The following ADORA2B variants were observed in gnomAD, a reference collection of about 807,000 sequenced individuals.
The protein encoded by ADORA2B is adenosine receptor A2b.
In ADORA2B, 18 loss-of-function variants were observed where a neutral mutation model predicts 20.8. The ratio of observed to expected loss-of-function variants is 0.87; its 90% CI spans 0.60 to 1.29. ADORA2B has a LOEUF of 1.29. Ranked by LOEUF, ADORA2B falls within the 50% of genes most tolerant of loss-of-function variation. The pLI, the probability that ADORA2B is intolerant of heterozygous loss-of-function variation, is 0.00. For synonymous variants in ADORA2B, 179 were observed against 178.3 expected (o/e 1.00, Z -0.03); for missense variants, 441 against 422.7 (o/e 1.04, Z -0.38).
At chr17:15,851,089 G>A in the ADORA2B span, among the ~76,000 whole-genome samples, 1 of 152,090 alleles carries the variant, frequency 6.6e-6, no homozygotes, top group African/African-American at 2.4e-5. Context: ...TCTACTGATA[G>A]ATTTTAGGTT....
chr17:15,932,926 A>G, the ADORA2B span, among the ~76,000 whole-genome samples: 1 of 151,848 alleles, frequency 6.6e-6, no homozygotes. Context: ...AAATAAAGGG[A>G]AAAAAAGGAG....
chr17:15,913,597 A>G, the ADORA2B span, among the ~76,000 whole-genome samples: 1 of 152,196 alleles, frequency 6.6e-6, no homozygotes, highest in Non-Finnish European at 1.5e-5. Flanking sequence ...GACACAATAC[A>G]TTTCCAAGCA....
At chr17:15,967,555 T>A (rs1970136503) in intron 1 of ADORA2B, among the ~76,000 whole-genome samples, 1 of 151,814 alleles carries the variant, frequency 6.6e-6, no homozygotes, top group Non-Finnish European at 1.5e-5. Flanking sequence ...TTAAAGAAGA[T>A]AAGAATGGGA....
the ADORA2B span, among the ~76,000 whole-genome samples, chr17:15,929,049 C>T: frequency 6.6e-6 from 1 of 151,946 alleles, no homozygotes; most frequent in South Asian, 2.1e-4. Context: ...AAACAGACAC[C>T]CCTTGAGAGA....
the ADORA2B span, among the ~76,000 whole-genome samples, chr17:15,880,915 G>A: frequency 6.6e-6 from 1 of 152,202 alleles, no homozygotes; most frequent in Non-Finnish European, 1.5e-5. Context: ...GCGAAGTAGG[G>A]CATATGCTTA....
At chr17:15,899,182 A>T in the ADORA2B span, among the ~76,000 whole-genome samples, 1 of 152,148 alleles carries the variant, frequency 6.6e-6, no homozygotes, top group Admixed American at 6.5e-5. Context: ...GTGTGCCAAG[A>T]TAGCACCACT....
chr17:15,874,042 G>GTGTA, the ADORA2B span, among the ~76,000 whole-genome samples: 40 of 134,818 alleles, frequency 3.0e-4, no homozygotes, highest in African/African-American at 1.1e-3. Context: ...ATATATATGT[G>GTGTA]TATATATATA....
the ADORA2B span, among the ~76,000 whole-genome samples, chr17:15,865,905 T>C: frequency 2.0e-5 from 3 of 150,374 alleles, no homozygotes; most frequent in Admixed American, 6.6e-5. Context: ...AAATGGAGGC[T>C]CCCCTGTACA....
intron 1 of ADORA2B, among the ~76,000 whole-genome samples, chr17:15,971,023 C>A (rs971737519): frequency 2.0e-5 from 3 of 152,224 alleles, no homozygotes; most frequent in Admixed American, 1.3e-4. Context: ...CTGGCCAGAA[C>A]CACTTCATGT....
At chr17:15,942,190 C>T (rs1360001396), upstream of ADORA2B, among the ~76,000 whole-genome samples, 1 of 152,124 alleles carries the variant, frequency 6.6e-6, no homozygotes, top group Non-Finnish European at 1.5e-5. Flanking sequence ...GAGGTGGGGC[C>T]TAGTGGAAGC....
At position 15,962,690 on chromosome 17, in the gene ADORA2B, G is replaced by T. The variant is rs200225854; in HGVS notation, c.336-11989G>T. ...GGGATTACAGGCGCCTTGCCACCACGCATTTTTAGTAGAGACGGGGTTTCA... is the reference window on the plus strand; with the variant it reads ...GGGATTACAGGCGCCTTGCCACCACTCATTTTTAGTAGAGACGGGGTTTCA... On this transcript the variant is annotated intron_variant, in intron 1 of 1. Transcript: ENST00000304222. Among the ~76,000 whole-genome samples, 64 of 152,096 alleles carry T rather than the reference G, an allele frequency of 4.2e-4. 1 individual carries two copies. In the East Asian group the frequency reaches 0.011, roughly 26 times the overall value.
chr17:15,866,908 C>A, the ADORA2B span, among the ~76,000 whole-genome samples: 1 of 152,274 alleles, frequency 6.6e-6, no homozygotes, highest in Non-Finnish European at 1.5e-5. Context: ...CCTCAGCCTG[C>A]CGAGTGCCTG....
chr17:15,887,951 CAAAAAAAAAAAAAAAAAA>C, the ADORA2B span, among the ~76,000 whole-genome samples: 25 of 22,228 alleles, frequency 1.1e-3, 1 homozygote, highest in East Asian at 3.8e-3. Flanking sequence ...AAGACTCCAT[CAAAAAAAAAAAAAAAAAA>C]AAAAAAAAAA....
chr17:15,901,319 G>C, the ADORA2B span, among the ~76,000 whole-genome samples: 5 of 152,022 alleles, frequency 3.3e-5, no homozygotes, highest in Non-Finnish European at 5.9e-5. Flanking sequence ...TACAAAATTA[G>C]CCGGGTGTGG....
upstream of ADORA2B, among the ~76,000 whole-genome samples, chr17:15,940,428 G>T (rs1010566149): frequency 4.6e-5 from 7 of 152,222 alleles, no homozygotes; most frequent in African/African-American, 9.7e-5. Flanking sequence ...GAACGTTGAG[G>T]TACAGTAAGA....
chr17:15,875,538 T>C, the ADORA2B span, among the ~76,000 whole-genome samples: 2 of 152,232 alleles, frequency 1.3e-5, no homozygotes, highest in African/African-American at 2.4e-5. Context: ...TTACACAACC[T>C]TTTATTCACC....
the ADORA2B span, among the ~76,000 whole-genome samples, chr17:15,857,296 G>C: frequency 1.3e-5 from 2 of 152,222 alleles, no homozygotes; most frequent in African/African-American, 4.8e-5. Context: ...TGACCAGGCA[G>C]AAATCTGCTG....
chr17:15,867,672 G>A, the ADORA2B span, among the ~76,000 whole-genome samples: 2 of 150,056 alleles, frequency 1.3e-5, no homozygotes, highest in Non-Finnish European at 3.0e-5. Context: ...AGGGAGGTGG[G>A]GAGGTCAGCC....
At chr17:15,891,506 C>T in the ADORA2B span, among the ~76,000 whole-genome samples, 3 of 152,148 alleles carry the variant, frequency 2.0e-5, no homozygotes, top group African/African-American at 7.2e-5. Flanking sequence ...GAATGAGCTG[C>T]TTTTATCCTC....
Sources: gnomAD v4.1 joint callset for allele counts (sites outside exome capture counted in the v4.1 genomes callset) on GRCh38, gnomAD v4.1.1 for gene constraint, MANE v1.5 for transcripts, NCBI Gene and HGNC (gene_info 2026-07-23, HGNC 2026-07-21) for gene names.